RFC1: variants seen among roughly 807,000 people sequenced by gnomAD.
RFC1 encodes replication factor C subunit 1.
A neutral mutation model predicts 137.4 loss-of-function variants in RFC1; 37 were observed. That is an observed-to-expected ratio of 0.27 (90% CI 0.21 to 0.35). The LOEUF is 0.35. Ranked by LOEUF, RFC1 falls within the 10% of genes least tolerant of loss-of-function variation. The pLI, the probability that RFC1 is intolerant of heterozygous loss-of-function variation, is 1.00. For synonymous variants in RFC1, 429 were observed against 455.7 expected (o/e 0.94, Z 0.75); for missense variants, 1,205 against 1,358.5 (o/e 0.89, Z 1.78).
At chr4:39,350,699 G>A (rs1226128173) in intron 2 of RFC1, among the ~76,000 whole-genome samples, 2 of 151,544 alleles carry the variant, frequency 1.3e-5, no homozygotes, top group Non-Finnish European at 2.9e-5. Context: ...ACTTATAGAG[G>A]TTTATCACCA....
chr4:39,329,207 G>C lies in RFC1; in HGVS notation c.332-1451C>G, dbSNP rs541512174. 1.1e-4 allele frequency among the ~76,000 whole-genome samples: 13 copies of C among 122,344 alleles called. No homozygotes were observed. The South Asian group carries it at 3.7e-3, about 35-fold the overall frequency. 80.3% of individuals were successfully genotyped at this position (122,344 alleles called of 152,430 possible). On this transcript the variant is annotated intron_variant, in intron 4 of 24. Transcript: ENST00000349703. The stretch of plus-strand genomic sequence containing the variant: ...AAATCCAATAAAAATGAAAATCTAA[G>C]AGACAAACATGAGGCCGGGCACGGT...
chr4:39,356,366 TC>T (rs1741481363), intron 1 of RFC1, among the ~76,000 whole-genome samples: 1 of 152,148 alleles, frequency 6.6e-6, no homozygotes, highest in African/African-American at 2.4e-5. Context: ...GCCACTGCAC[TC>T]CAGCCTGGGG....
intron 15 of RFC1, 81 bp downstream of exon 15, chr4:39,304,733 G>A: frequency 1.2e-6 from 1 of 854,618 alleles, no homozygotes; most frequent in African/African-American, 1.7e-5. Context: ...CACACAACCT[G>A]TGTTCAATAC....
chr4:39,350,986 C>T (rs746833803), intron 2 of RFC1, among the ~76,000 whole-genome samples: 2 of 152,206 alleles, frequency 1.3e-5, no homozygotes, highest in East Asian at 1.9e-4. Context: ...CACGGTGGCT[C>T]ACGCCTGTAA....
At chr4:39,292,955 A>G (rs1737771133) in intron 22 of RFC1, among the ~76,000 whole-genome samples, 2 of 151,938 alleles carry the variant, frequency 1.3e-5, no homozygotes, top group Non-Finnish European at 2.9e-5. Flanking sequence ...TGTATACGTA[A>G]AACTTCAAAA....
intron 2 of RFC1, among the ~76,000 whole-genome samples, chr4:39,348,228 C>T (rs1381603160): frequency 6.6e-6 from 1 of 151,478 alleles, no homozygotes; most frequent in Non-Finnish European, 1.5e-5. Flanking sequence ...TTGAGACCAG[C>T]TTGGCCAATA....
intron 1 of RFC1, among the ~76,000 whole-genome samples, chr4:39,364,643 G>A (rs1182517487): frequency 6.6e-6 from 1 of 152,172 alleles, no homozygotes; most frequent in Non-Finnish European, 1.5e-5. Context: ...ACTTTCCATA[G>A]AGTCCTTTCT....
In RFC1 at chr4:39,302,968, T is replaced by C. The variant is rs372268435; in HGVS notation, c.2202+92A>G. 2.2e-5 allele frequency: 31 copies of C among 1,436,108 alleles called. No individual in the cohort carries two copies. In the East Asian group the frequency reaches 5.0e-4, roughly 23 times the overall value. The allele number at this position is 1,436,108 out of a possible 1,614,324, so 89.0% of individuals were successfully genotyped here. ...GGTTCTAAAAATCTCCTCAGCAACA[T>C]GCCTTAACTGCCCTAAGTATGAGAG... On this transcript the variant is annotated intron_variant, in intron 16 of 24. Coordinates refer to ENST00000349703, the MANE Select transcript of RFC1 (RefSeq NM_002913.5).
chr4:39,308,270 C>G (rs1738785308), intron 13 of RFC1, among the ~76,000 whole-genome samples: 1 of 152,202 alleles, frequency 6.6e-6, no homozygotes, highest in African/African-American at 2.4e-5. Context: ...CTAGCTAGCT[C>G]CTACTTTGTT....
Position 39,312,947 on chromosome 4 carries a change from T to G in RFC1, c.1204-16A>C, listed in dbSNP as rs528490032. The stretch of plus-strand genomic sequence containing the variant: ...TTTCAGCTCCCTAAAAACCAAAATG[T>G]TCAAGCAGAGAGGAAATTACATGGT... On this transcript the variant is annotated splice_polypyrimidine_tract_variant and intron_variant, in intron 10 of 24. Coordinates refer to ENST00000349703, the MANE Select transcript of RFC1 (RefSeq NM_002913.5). 1.3e-6 allele frequency: 2 copies of G among 1,580,612 alleles called. No homozygotes were observed. The highest frequency in any genetic ancestry group is 2.3e-5 in the South Asian group (2 of 85,472).
intron 4 of RFC1, chr4:39,341,601 G>T: frequency 4.4e-6 from 2 of 456,070 alleles, no homozygotes; most frequent in Non-Finnish European, 4.4e-6. Flanking sequence ...GCTACTCAAT[G>T]TGTCAGGCAC....
rs774537579 is a variant in RFC1 at position 39,320,427 on chromosome 4, T to C, written c.1051A>G (p.Thr351Ala). ...KENAIKLKGE[T>A]KTPKKTKSSP... ...CTTTTGGTTTTCTTAGGAGTTTTTGTCTCTCCTTTCAATTTAATGGCATTT... is the reference window on the plus strand; with the variant it reads ...CTTTTGGTTTTCTTAGGAGTTTTTGCCTCTCCTTTCAATTTAATGGCATTT... The change falls in exon 9 of 25, where the codon ACA becomes GCA. Residue 351 changes from threonine to alanine, a missense_variant. Around this residue, in one of 3 missense-constraint regions of RFC1, gnomAD observed 962 missense variants for 1,035.3 expected, o/e 0.93. Transcript: ENST00000349703. The C allele has an allele frequency of 8.9e-6, 14 of 1,572,364 alleles. No homozygotes were observed. Among genetic ancestry groups the C allele is most frequent in the Non-Finnish European group, 1.1e-5 (13 of 1,168,464 alleles).
chr4:39,321,262 T>G, intron 8 of RFC1, 25 bp downstream of exon 8: 1 of 1,547,200 alleles, frequency 6.5e-7, no homozygotes, highest in Non-Finnish European at 8.9e-7. Flanking sequence ...AAGTGCTCCA[T>G]CTTACTTTTT....
At chr4:39,346,247 C>T (rs1333858621) in intron 2 of RFC1, among the ~76,000 whole-genome samples, 1 of 152,126 alleles carries the variant, frequency 6.6e-6, no homozygotes, top group African/African-American at 2.4e-5. Flanking sequence ...GAGGCCGAGG[C>T]GGGCAGATCA....
intron 4 of RFC1, among the ~76,000 whole-genome samples, chr4:39,337,877 C>T (rs1415581667): frequency 1.3e-5 from 2 of 152,120 alleles, no homozygotes; most frequent in African/African-American, 4.8e-5. Context: ...AAACACTCCT[C>T]AAATAATTTT....
At position 39,320,408 on chromosome 4, in the gene RFC1, G is replaced by C. The variant is rs55734630; in HGVS notation, c.1070C>G (p.Thr357Ser). The change falls in exon 9 of 25, where the codon ACC becomes AGC. Residue 357 changes from threonine to serine, a missense_variant. Physicochemically the swap from Thr to Ser is moderately conservative, Grantham distance 58. Coordinates refer to ENST00000349703, the MANE Select transcript of RFC1 (RefSeq NM_002913.5). ...CTCTTTTTTAGCTGGAGAACTTTTGGTTTTCTTAGGAGTTTTTGTCTCTCC... is the reference window on the plus strand; with the variant it reads ...CTCTTTTTTAGCTGGAGAACTTTTGCTTTTCTTAGGAGTTTTTGTCTCTCC... ...LKGETKTPKK[T>S]KSSPAKKESV... 6.1e-5 allele frequency: 94 copies of C among 1,541,266 alleles called. No individual in the cohort carries two copies. The African/African-American group carries it at 1.2e-3, about 20-fold the overall frequency.
At chr4:39,301,503 G>A (rs1486364813) in intron 19 of RFC1, among the ~76,000 whole-genome samples, 2 of 152,224 alleles carry the variant, frequency 1.3e-5, no homozygotes, top group East Asian at 1.9e-4. Flanking sequence ...GGGGGATGTT[G>A]GCAGTGGGAG....
At position 39,302,800 on chromosome 4, in the gene RFC1, A is replaced by AATC; in HGVS notation, c.2274_2276dup (p.Lys758_Ile759insMet). Reference sequence around the variant, plus strand: ...CAAAACAATAATGAACCAGAGAGCGAATCTTGGGATGATTTCTATCATTGC... The same window carrying AATC: ...CAAAACAATAATGAACCAGAGAGCGAATCATCTTGGGATGATTTCTATCATTGC... On this transcript the variant is annotated inframe_insertion, in exon 17 of 25. Transcript: ENST00000349703. 1.2e-6 allele frequency: 2 copies of AATC among 1,606,286 alleles called. No individual in the cohort carries two copies. The highest frequency in any genetic ancestry group is 8.5e-7 in the Non-Finnish European group (1 of 1,177,288).
At chr4:39,292,878 C>A (rs1737764851) in intron 22 of RFC1, among the ~76,000 whole-genome samples, 1 of 151,984 alleles carries the variant, frequency 6.6e-6, no homozygotes. Flanking sequence ...AAACTCCTAA[C>A]AGGTGATCCA....
Sources: gnomAD v4.1 joint callset for allele counts (sites outside exome capture counted in the v4.1 genomes callset) on GRCh38, gnomAD v4.1.1 for gene constraint, gnomAD v4.1.1 regional missense constraint, MANE v1.5 for transcripts, NCBI Gene and HGNC (gene_info 2026-07-23, HGNC 2026-07-21) for gene names.